SNX14: variants seen among roughly 807,000 people sequenced by gnomAD.
The protein encoded by SNX14 is sorting nexin 14, also known as sorting nexin-14.
A neutral mutation model predicts 133.8 loss-of-function variants in SNX14; 93 were observed. That is an observed-to-expected ratio of 0.70 (90% CI 0.59 to 0.83). The LOEUF is 0.83. Ranked by LOEUF, SNX14 falls within the 40% of genes least tolerant of loss-of-function variation. The pLI, the probability that SNX14 is intolerant of heterozygous loss-of-function variation, is 0.00. For synonymous variants in SNX14, 368 were observed against 365.6 expected (o/e 1.01, Z -0.07); for missense variants, 945 against 1,094.9 (o/e 0.86, Z 1.93).
chr6:85,508,413 G>A (rs987148899), intron 26 of SNX14: 1 of 987,078 alleles, frequency 1.0e-6, no homozygotes, highest in Non-Finnish European at 1.2e-6. Flanking sequence ...ACCCTAAAAT[G>A]ATGTTTGTAC....
chr6:85,565,214 T>C (rs1582973778), intron 6 of SNX14, 118 bp downstream of exon 6: 1 of 569,488 alleles, frequency 1.8e-6, no homozygotes, highest in East Asian at 3.0e-5. Flanking sequence ...TGTATCAAAG[T>C]ATCTCATGTA....
At chr6:85,531,243 A>G (rs1428953851) in intron 18 of SNX14, among the ~76,000 whole-genome samples, 2 of 152,222 alleles carry the variant, frequency 1.3e-5, no homozygotes, top group African/African-American at 2.4e-5. Flanking sequence ...ACCCCCATTT[A>G]CCATGTGGCC....
intron 26 of SNX14, among the ~76,000 whole-genome samples, chr6:85,511,322 T>C (rs1772738570): frequency 6.6e-6 from 1 of 152,214 alleles, no homozygotes; most frequent in Admixed American, 6.5e-5. Context: ...TTGTCAATTT[T>C]TGGATATTCT....
intron 26 of SNX14, among the ~76,000 whole-genome samples, chr6:85,511,233 C>T (rs117254039): frequency 0.027 from 4,179 of 152,220 alleles, 88 homozygotes; most frequent in Non-Finnish European, 0.041. Flanking sequence ...ATGATATACA[C>T]GAAAAGTAAC....
intron 12 of SNX14, 119 bp downstream of exon 12, chr6:85,546,993 A>C: frequency 1.6e-6 from 1 of 640,506 alleles, no homozygotes; most frequent in Non-Finnish European, 2.6e-6. Flanking sequence ...AAGGAAATCG[A>C]GTATATGAAA....
intron 1 of SNX14, among the ~76,000 whole-genome samples, chr6:85,576,502 G>GT (rs762205496): frequency 2.0e-5 from 3 of 150,054 alleles, no homozygotes; most frequent in Non-Finnish European, 4.4e-5. Context: ...TTGAAACACA[G>GT]TAAATTGCAC....
chr6:85,567,592 A>AT lies in SNX14; in HGVS notation c.418-16dup, dbSNP rs1794285738. ...AATTCAAGAACCTGCATAAACAATT[A>AT]TTTTTTAAAGAAAAATAAAATTAAT... is the stretch of plus-strand genomic sequence containing the variant. On this transcript the variant is annotated splice_polypyrimidine_tract_variant and intron_variant, in intron 4 of 28. Coordinates refer to ENST00000314673, the MANE Select transcript of SNX14 (RefSeq NM_153816.6). 6.7e-7 allele frequency: 1 copy of AT among 1,491,292 alleles called. No homozygotes were observed. Among genetic ancestry groups the AT allele is most frequent in the African/African-American group, 1.5e-5 (1 of 67,628 alleles). 92.4% of individuals were successfully genotyped at this position (1,491,292 alleles called of 1,614,324 possible). A position where few individuals can be genotyped will look rare whatever the true frequency, so the allele number is the denominator to read the frequency against.
At chr6:85,559,084 A>T (rs1424744106) in intron 6 of SNX14, among the ~76,000 whole-genome samples, 1 of 152,160 alleles carries the variant, frequency 6.6e-6, no homozygotes, top group Non-Finnish European at 1.5e-5. Flanking sequence ...CAACAGTGTT[A>T]ATTTTTCAAT....
Position 85,507,985 on chromosome 6 carries a change from G to C in SNX14, c.2728C>G (p.Pro910Ala). ...IRLLFDGLQQ[P>A]VLNKQLTYVL... ...AGCTTTACCTGCTTGTTGAGTACTG[G>C]TTGCTGTAAGCCATCAAACAGAAGT... Residue 910 changes from proline to alanine, a missense_variant, in exon 27 of 29, where the codon CCA becomes GCA. Physicochemically the swap from Pro to Ala is conservative, Grantham distance 27 (BLOSUM62 -1). Transcript: ENST00000314673. 1 of 1,613,418 alleles carries C rather than the reference G, an allele frequency of 6.2e-7. No homozygotes were observed. The highest frequency in any genetic ancestry group is 8.5e-7 in the Non-Finnish European group (1 of 1,179,614).
chr6:85,564,002 A>G (rs538891540), intron 6 of SNX14, among the ~76,000 whole-genome samples: 2 of 151,772 alleles, frequency 1.3e-5, no homozygotes, highest in Non-Finnish European at 2.9e-5. Context: ...ATTCCCACCT[A>G]TGAGTAAGAA....
intron 27 of SNX14, 129 bp from the exon 28 acceptor site, chr6:85,507,418 TA>T (rs1771087248): frequency 3.0e-6 from 2 of 669,140 alleles, no homozygotes; most frequent in Non-Finnish European, 5.0e-6. Context: ...ACTGATAATA[TA>T]AAACAAGCAC....
At chr6:85,524,628 A>C (rs1778000755) in intron 21 of SNX14, among the ~76,000 whole-genome samples, 1 of 151,908 alleles carries the variant, frequency 6.6e-6, no homozygotes, top group Non-Finnish European at 1.5e-5. Context: ...CTAAAACTAC[A>C]AAAAAATTAG....
rs1309085610 is a variant in SNX14, at chr6:85,547,093, A to G, written c.1108+19T>C. 2.5e-6 allele frequency: 4 copies of G among 1,577,388 alleles called. No individual in the cohort carries two copies. On this transcript the variant is annotated intron_variant, in intron 12 of 28. Transcript: ENST00000314673. The stretch of plus-strand genomic sequence containing the variant: ...AAGGTTTAAAAATTACTTTCGTAAA[A>G]TACACAGGTAAGCCTCACCCACAGT...
chr6:85,584,882 A>G (rs1800166395), intron 1 of SNX14, among the ~76,000 whole-genome samples: 1 of 152,256 alleles, frequency 6.6e-6, no homozygotes, highest in Admixed American at 6.5e-5. Flanking sequence ...CATTTGACCC[A>G]GCAATCCCAT....
chr6:85,516,880 C>T (rs1229427943), intron 23 of SNX14, among the ~76,000 whole-genome samples: 5 of 152,228 alleles, frequency 3.3e-5, no homozygotes, highest in East Asian at 1.9e-4. Context: ...TCAAGTGATC[C>T]ATCCACCTTG....
chr6:85,571,229 GC>G (rs987336941), intron 4 of SNX14, among the ~76,000 whole-genome samples: 2 of 151,814 alleles, frequency 1.3e-5, no homozygotes, highest in Non-Finnish European at 2.9e-5. Flanking sequence ...GCGTGGTGGT[GC>G]ACGCCTGCAG....
chr6:85,548,463 C>A, intron 8 of SNX14, 87 bp from the exon 9 acceptor site: 1 of 1,029,580 alleles, frequency 9.7e-7, no homozygotes. Context: ...ACGTAAGGAT[C>A]TTGTTAAAAT....
Position 85,507,303 on chromosome 6 carries a change from A to AAAT in SNX14, c.2746-17_2746-15dup. The stretch of plus-strand genomic sequence containing the variant: ...AACATAAGTCAGCTAAAGCACCAAA[A>AAAT]AATAATAATAATAAATGTTAAGGCA... On this transcript the variant is annotated splice_polypyrimidine_tract_variant and intron_variant, in intron 27 of 28. Coordinates refer to ENST00000314673, the MANE Select transcript of SNX14 (RefSeq NM_153816.6). 1.9e-6 allele frequency: 3 copies of AAAT among 1,594,484 alleles called. 1 individual carries two copies. The South Asian group carries it at 3.4e-5, about 18-fold the overall frequency.
chr6:85,517,371 T>C (rs751239018), intron 23 of SNX14, among the ~76,000 whole-genome samples: 1 of 152,228 alleles, frequency 6.6e-6, no homozygotes, highest in Non-Finnish European at 1.5e-5. Flanking sequence ...ATAAAATGTT[T>C]GTTTAATGAA....
Sources: allele counts gnomAD v4.1 joint callset (sites outside exome capture counted in the v4.1 genomes callset), GRCh38; gene constraint gnomAD v4.1.1; transcripts MANE v1.5; gene names NCBI Gene and HGNC (gene_info 2026-07-23, HGNC 2026-07-21).